Variants in METAP1D observed in about 807,000 individuals in gnomAD.
METAP1D encodes the protein methionyl aminopeptidase type 1D, mitochondrial.
In METAP1D, 31 loss-of-function variants were observed where a neutral mutation model predicts 40.5. The ratio of observed to expected loss-of-function variants is 0.77; its 90% CI spans 0.58 to 1.03. METAP1D has a LOEUF of 1.03. Among genes scored for constraint, METAP1D ranks in the 50% least tolerant of loss-of-function variants. The probability of loss-of-function intolerance (pLI) is 0.00; values close to 1 mark genes in which losing one functional copy is unlikely to be tolerated. For missense variants in METAP1D, 411 were observed against 420.7 expected (o/e 0.98, Z 0.20); for synonymous variants, 151 against 146.4 (o/e 1.03, Z -0.22).
chr2:172,033,803 C>T (rs947474145), intron 1 of METAP1D, among the ~76,000 whole-genome samples: 4 of 145,824 alleles, frequency 2.7e-5, no homozygotes, highest in African/African-American at 1.0e-4. Flanking sequence ...CATCACAGGC[C>T]GGGTATGGTG....
chr2:172,043,830 C>A lies in METAP1D; in HGVS notation c.41-17668C>A. ...TTAGAGTCAACTGGACATGGTGGCT[C>A]ACGCCTGTAATTCCAGCACTGTGGG... On this transcript the variant is annotated intron_variant, in intron 1 of 9. Coordinates refer to ENST00000315796, the MANE Select transcript of METAP1D (RefSeq NM_199227.3). 1.5e-5 allele frequency among the ~76,000 whole-genome samples: 2 copies of A among 135,424 alleles called. 1 individual carries two copies. Among genetic ancestry groups the A allele is most frequent in the Non-Finnish European group, 3.4e-5 (2 of 57,980 alleles). The allele number at this position is 135,424 out of a possible 152,430, so 88.8% of individuals were successfully genotyped here.
intron 1 of METAP1D, among the ~76,000 whole-genome samples, chr2:172,027,025 A>C (rs1213031553): frequency 5.3e-5 from 8 of 152,208 alleles, no homozygotes. Context: ...GTCTAGAAGA[A>C]GAGGGCCTGG....
chr2:172,033,847 C>CG (rs1344942138), intron 1 of METAP1D, among the ~76,000 whole-genome samples: 1 of 148,994 alleles, frequency 6.7e-6, no homozygotes, highest in Non-Finnish European at 1.5e-5. Flanking sequence ...GAGGCCGAGG[C>CG]GGGGGGGATC....
intron 1 of METAP1D, among the ~76,000 whole-genome samples, chr2:172,045,817 GTGTATATATATATATA>G (rs1164439729): frequency 1.8e-4 from 3 of 16,330 alleles, no homozygotes; most frequent in African/African-American, 7.3e-4. Flanking sequence ...GTGTGTGTGT[GTGTATATATATATATA>G]TATATATATA....
intron 1 of METAP1D, among the ~76,000 whole-genome samples, chr2:172,007,520 G>T (rs1280786535): frequency 6.6e-6 from 1 of 151,944 alleles, no homozygotes; most frequent in Non-Finnish European, 1.5e-5. Context: ...TTAGTTCTAG[G>T]GGGTGGCTGA....
At position 172,079,261 on chromosome 2, in the gene METAP1D, A is replaced by T. The variant is rs1228764456; in HGVS notation, c.849A>T (p.Ile283=). 1.2e-6 allele frequency: 2 copies of T among 1,614,022 alleles called. No individual in the cohort carries two copies. The highest frequency in any genetic ancestry group is 1.7e-6 in the Non-Finnish European group (2 of 1,179,990). ...LPMEEGMAFT[I]EPIITEGSPE... ...TGGAGGAGGGCATGGCATTCACTAT[A>T]GGTAAATTGAGCTCCTCTTCCGAGT... Residue 283 remains isoleucine, a splice_region_variant and synonymous_variant, in exon 8 of 10, where the codon ATA becomes ATT. Transcript: ENST00000315796.
intron 1 of METAP1D, among the ~76,000 whole-genome samples, chr2:172,013,516 T>C (rs1688778478): frequency 2.0e-5 from 3 of 152,006 alleles, no homozygotes; most frequent in African/African-American, 7.3e-5. Context: ...ATCACATCCA[T>C]GGGAGAGAAA....
Position 172,070,974 on chromosome 2 carries a change from G to A in METAP1D, c.608G>A (p.Gly203Asp). ...TFLVGNVDEC[G>D]KKLVEVARRC... Reference sequence around the variant, plus strand: ...TTGGTGGGCAATGTGGACGAATGTGGTAAAAAGTTAGTGGAGGTTGCCAGG... The same window carrying A: ...TTGGTGGGCAATGTGGACGAATGTGATAAAAAGTTAGTGGAGGTTGCCAGG... The change falls in exon 6 of 10, where the codon GGT becomes GAT. Residue 203 changes from glycine (G) to aspartate (D), a missense_variant. By Grantham distance (94) the Gly-to-Asp change is moderately conservative (BLOSUM62 -1). Coordinates refer to ENST00000315796, the MANE Select transcript of METAP1D (RefSeq NM_199227.3). 3.1e-6 allele frequency: 5 copies of A among 1,613,400 alleles called. No individual in the cohort carries two copies. The highest frequency in any genetic ancestry group is 4.2e-6 in the Non-Finnish European group (5 of 1,179,474).
intron 1 of METAP1D, among the ~76,000 whole-genome samples, chr2:172,010,499 T>TTTTC (rs1688691840): frequency 7.0e-6 from 1 of 143,852 alleles, no homozygotes; most frequent in Non-Finnish European, 1.5e-5. Context: ...TCCTCTTTTT[T>TTTTC]TTTTTTTTTT....
chr2:172,024,612 A>G (rs1351193678), intron 1 of METAP1D, among the ~76,000 whole-genome samples: 1 of 152,140 alleles, frequency 6.6e-6, no homozygotes, highest in Non-Finnish European at 1.5e-5. Context: ...ACCTTATACT[A>G]AGACCCTATG....
chr2:172,023,653 C>T (rs1433060995), intron 1 of METAP1D, among the ~76,000 whole-genome samples: 1 of 152,098 alleles, frequency 6.6e-6, no homozygotes, highest in South Asian at 2.1e-4. Flanking sequence ...AACAAAGGAA[C>T]TTATAAACAT....
intron 1 of METAP1D, among the ~76,000 whole-genome samples, chr2:172,028,650 A>G (rs557880258): frequency 3.6e-4 from 54 of 151,640 alleles, no homozygotes; most frequent in South Asian, 8.3e-4. Flanking sequence ...TTCATTTACC[A>G]ATAATATCTT....
chr2:172,050,406 A>C (rs984818975), intron 1 of METAP1D, among the ~76,000 whole-genome samples: 2 of 151,930 alleles, frequency 1.3e-5, no homozygotes, highest in African/African-American at 4.8e-5. Flanking sequence ...TTTTTTAAGA[A>C]TTAAAGAAGG....
intron 7 of METAP1D, among the ~76,000 whole-genome samples, chr2:172,078,260 A>G (rs1690599300): frequency 6.6e-6 from 1 of 151,604 alleles, no homozygotes; most frequent in Non-Finnish European, 1.5e-5. Context: ...TTCTTTTTCT[A>G]CCCCCTTTTC....
At chr2:172,003,913 C>T (rs1688523808) in intron 1 of METAP1D, among the ~76,000 whole-genome samples, 1 of 151,778 alleles carries the variant, frequency 6.6e-6, no homozygotes, top group African/African-American at 2.4e-5. Context: ...CACAGGTGCC[C>T]ACCACCACGC....
chr2:172,014,011 C>T (rs904471863), intron 1 of METAP1D, among the ~76,000 whole-genome samples: 8 of 151,372 alleles, frequency 5.3e-5, no homozygotes, highest in Admixed American at 2.6e-4. Flanking sequence ...TTAGTAGAGA[C>T]GGGGTTTCAC....
intron 1 of METAP1D, among the ~76,000 whole-genome samples, chr2:172,001,707 G>A (rs1688466823): frequency 1.3e-5 from 2 of 152,166 alleles, no homozygotes; most frequent in African/African-American, 4.8e-5. Context: ...GGAAGGTGAT[G>A]TAGCGAGCAT....
At chr2:172,066,802 T>TCTAGA (rs1690293555) in intron 5 of METAP1D, among the ~76,000 whole-genome samples, 1 of 152,218 alleles carries the variant, frequency 6.6e-6, no homozygotes, top group South Asian at 2.1e-4. Flanking sequence ...TGTATGTCAG[T>TCTAGA]CTATTTGGAC....
chr2:172,042,380 T>C (rs1325679367), intron 1 of METAP1D, among the ~76,000 whole-genome samples: 1 of 32,388 alleles, frequency 3.1e-5, no homozygotes, highest in African/African-American at 1.4e-4. Context: ...CATGTGTACA[T>C]ATATACATAT....
Sources: gnomAD v4.1 joint callset for allele counts (sites outside exome capture counted in the v4.1 genomes callset) on GRCh38, gnomAD v4.1.1 for gene constraint, MANE v1.5 for transcripts, NCBI Gene and HGNC (gene_info 2026-07-23, HGNC 2026-07-21) for gene names.